Variants in GUCY2C observed in about 807,000 individuals in gnomAD.
GUCY2C encodes guanylate cyclase 2C, also known as guanylyl cyclase C.
GUCY2C carries 118 observed loss-of-function variants against 131.1 expected under a neutral mutation model. The ratio of observed to expected loss-of-function variants is 0.90; its 90% confidence interval spans 0.78 to 1.05. GUCY2C has a LOEUF of 1.05. GUCY2C is among the 50% of genes least tolerant of loss of function. GUCY2C has a pLI of 0.00. For missense variants in GUCY2C, 1,161 were observed against 1,304.4 expected, an observed-to-expected ratio of 0.89 and a Z score of 1.69; for synonymous variants, 452 against 457.8, an observed-to-expected ratio of 0.99 and a Z score of 0.16.
At chr12:14,686,088 T>G in intron 3 of GUCY2C, 73 bp downstream of exon 3, 2 of 909,936 alleles carry the variant, frequency 2.2e-6, no homozygotes, top group Middle Eastern at 2.2e-4. Flanking sequence ...TTGGCTTGAC[T>G]AGACTGTTGT....
chr12:14,680,494 C>A (rs1948327993), intron 5 of GUCY2C, among the ~76,000 whole-genome samples: 1 of 152,156 alleles, frequency 6.6e-6, no homozygotes, highest in Admixed American at 6.5e-5. Flanking sequence ...ATTAATATAA[C>A]AAATGCTTGA....
In GUCY2C at chr12:14,656,686, G is replaced by A. The variant is rs1040025228; in HGVS notation, c.1365-69C>T. On this transcript the variant is annotated intron_variant, in intron 11 of 26. Coordinates refer to ENST00000261170, the MANE Select transcript of GUCY2C (RefSeq NM_004963.4). Reference sequence around the variant, plus strand: ...CATGTCATTCAGCTTCTGAAGACTGGGTGAAGTTTAGAACCCTGGTATGCT... The same window carrying A: ...CATGTCATTCAGCTTCTGAAGACTGAGTGAAGTTTAGAACCCTGGTATGCT... 1.2e-5 allele frequency: 10 copies of A among 805,750 alleles called. No homozygotes were observed. The East Asian group carries it at 2.2e-4, about 18-fold the overall frequency. 49.9% of individuals were successfully genotyped at this position (805,750 alleles called of 1,614,324 possible). A position where few individuals can be genotyped will look rare whatever the true frequency, so the allele number is the denominator to read the frequency against.
At chr12:14,673,948 C>T (rs990441202) in intron 8 of GUCY2C, among the ~76,000 whole-genome samples, 3 of 152,166 alleles carry the variant, frequency 2.0e-5, no homozygotes, top group African/African-American at 7.2e-5. Context: ...ACCTGCTGCC[C>T]TCCGAAGCCT....
chr12:14,675,653 T>A (rs1285299762), intron 7 of GUCY2C, among the ~76,000 whole-genome samples: 1 of 152,054 alleles, frequency 6.6e-6, no homozygotes, highest in Non-Finnish European at 1.5e-5. Context: ...ATGGAGAGGG[T>A]CAGAACTGCT....
At chr12:14,646,125 C>T (rs761827788) in intron 15 of GUCY2C, among the ~76,000 whole-genome samples, 3 of 152,240 alleles carry the variant, frequency 2.0e-5, no homozygotes, top group East Asian at 1.9e-4. Context: ...CACAAGCCAC[C>T]GCGCCCCGCC....
At chr12:14,621,616 T>C (rs1201893960) in intron 22 of GUCY2C, among the ~76,000 whole-genome samples, 3 of 152,248 alleles carry the variant, frequency 2.0e-5, no homozygotes, top group African/African-American at 7.2e-5. Context: ...TACTTTGTAA[T>C]ATGTAATTGT....
intron 15 of GUCY2C, among the ~76,000 whole-genome samples, chr12:14,646,393 A>G (rs1947524014): frequency 6.6e-6 from 1 of 152,322 alleles, no homozygotes; most frequent in East Asian, 1.9e-4. Flanking sequence ...TGTGGGTACC[A>G]GGCCAAGTTG....
intron 1 of GUCY2C, among the ~76,000 whole-genome samples, chr12:14,689,952 A>G (rs930115504): frequency 4.6e-5 from 7 of 152,276 alleles, no homozygotes; most frequent in African/African-American, 1.7e-4. Flanking sequence ...ATTATCATCT[A>G]TTTTTCCTAA....
In GUCY2C at chr12:14,672,917, C is replaced by A. The variant is rs937028293; in HGVS notation, c.1126G>T (p.Asp376Tyr). The A allele has an allele frequency of 1.2e-6, 2 of 1,609,654 alleles. No homozygotes were observed. Among genetic ancestry groups the A allele is most frequent in the Non-Finnish European group, 8.5e-7 (1 of 1,176,036 alleles). ...PVTLDDWGDV[D>Y]STMVLLYTSV... ...GTATACAGAAGCACCATGGTACTGT[C>A]AACATCCCCCCAGTCATCCAAGGTC... The change falls in exon 9 of 27, where the codon GAC becomes TAC. Residue 376 changes from aspartate (D) to tyrosine (Y), a missense_variant. Transcript: ENST00000261170.
intron 11 of GUCY2C, 72 bp downstream of exon 11, chr12:14,660,909 C>A (rs1445764296): frequency 2.7e-5 from 25 of 940,354 alleles, no homozygotes; most frequent in Non-Finnish European, 4.0e-5. Flanking sequence ...CATCAACAGA[C>A]AACAGACCTC....
chr12:14,627,254 A>G (rs1041789109), intron 20 of GUCY2C, among the ~76,000 whole-genome samples: 10 of 152,232 alleles, frequency 6.6e-5, no homozygotes, highest in Non-Finnish European at 1.3e-4. Context: ...GATGGCCTGC[A>G]TCATCATCCC....
intron 4 of GUCY2C, 23 bp downstream of exon 4, chr12:14,683,019 G>T: frequency 1.3e-6 from 2 of 1,527,240 alleles, no homozygotes; most frequent in Non-Finnish European, 1.8e-6. Context: ...AAGTGCTAGT[G>T]AAATATTAAT....
At chr12:14,630,617 C>T (rs1165025250) in intron 19 of GUCY2C, among the ~76,000 whole-genome samples, 1 of 152,090 alleles carries the variant, frequency 6.6e-6, no homozygotes, top group Non-Finnish European at 1.5e-5. Context: ...ATAATGTATG[C>T]AGGTTATATG....
At chr12:14,687,731 C>T (rs1183691881) in intron 2 of GUCY2C, among the ~76,000 whole-genome samples, 1 of 152,172 alleles carries the variant, frequency 6.6e-6, no homozygotes, top group Non-Finnish European at 1.5e-5. Context: ...CAGTACATAG[C>T]CAAGGCTTTC....
At chr12:14,691,850 T>A (rs1459525836) in intron 1 of GUCY2C, among the ~76,000 whole-genome samples, 4 of 152,196 alleles carry the variant, frequency 2.6e-5, no homozygotes, top group African/African-American at 9.6e-5. Context: ...AGCCAGTTGA[T>A]CTCTTTCACT....
rs1946909535 is a variant in GUCY2C, at chr12:14,622,134, T to G, written c.2472A>C (p.Thr824=). 2 of 1,606,268 alleles carry G rather than the reference T, an allele frequency of 1.2e-6. No homozygotes were observed. Among genetic ancestry groups the G allele is most frequent in the South Asian group, 1.1e-5 (1 of 89,522 alleles). Residue 824 remains threonine (T), a synonymous_variant, in exon 22 of 27, where the codon ACA becomes ACC. Transcript: ENST00000261170. ...FVEPELYEEV[T]IYFSDIVGFT... is the part of the protein sequence containing the mutation. The stretch of plus-strand genomic sequence containing the variant: ...AACCTACAATGTCACTGAAGTAGAT[T>G]GTAACTTCCTCATATAGTTCCGGCT...
intron 10 of GUCY2C, among the ~76,000 whole-genome samples, chr12:14,667,258 G>A (rs1948000564): frequency 6.6e-6 from 1 of 152,208 alleles, no homozygotes; most frequent in Admixed American, 6.5e-5. Context: ...TACAAAAGAA[G>A]TTGAGAGTTG....
At chr12:14,664,098 C>G (rs1331539122) in intron 10 of GUCY2C, among the ~76,000 whole-genome samples, 1 of 152,072 alleles carries the variant, frequency 6.6e-6, no homozygotes, top group South Asian at 2.1e-4. Flanking sequence ...CCTCTATTAC[C>G]TTGTTTTGTG....
rs1947069654 is a variant in GUCY2C at position 14,628,495 on chromosome 12, A to G, written c.2249+151T>C. ...CTGGGAAAACGGTCTAATAGTCTCC[A>G]TATCATTTTAATGTTATGAGGCAGT... On this transcript the variant is annotated intron_variant, in intron 20 of 26. Coordinates refer to ENST00000261170, the MANE Select transcript of GUCY2C (RefSeq NM_004963.4). The G allele has an allele frequency of 6.9e-6, 4 of 581,212 alleles. No individual in the cohort carries two copies. In the East Asian group the frequency reaches 8.7e-5, roughly 13 times the overall value. The allele number at this position is 581,212 out of a possible 1,614,324, so 36.0% of individuals were successfully genotyped here.
Sources: gnomAD v4.1 joint callset for allele counts (sites outside exome capture counted in the v4.1 genomes callset) on GRCh38, gnomAD v4.1.1 for gene constraint, MANE v1.5 for transcripts, NCBI Gene and HGNC (gene_info 2026-07-23, HGNC 2026-07-21) for gene names.